ZNF618: variants seen among roughly 807,000 people sequenced by gnomAD.
The protein encoded by ZNF618 is zinc finger protein 618, also known as neural precursor cell expressed, developmentally down-regulated 10.
ZNF618 carries 34 observed loss-of-function variants against 103.0 expected under a neutral mutation model. The ratio of observed to expected loss-of-function variants is 0.33; its 90% CI spans 0.25 to 0.44. The LOEUF is 0.44. ZNF618 is among the 20% of genes least tolerant of loss of function. The pLI is 1.00. For missense variants in ZNF618, 1,059 were observed against 1,295.4 expected (o/e 0.82, Z 2.80); for synonymous variants, 551 against 542.2 (o/e 1.02, Z -0.23).
At chr9:113,925,971 T>A (rs754565980) in intron 1 of ZNF618, among the ~76,000 whole-genome samples, 35 of 152,198 alleles carry the variant, frequency 2.3e-4, no homozygotes, top group Non-Finnish European at 4.4e-4. Context: ...AACACTGTCC[T>A]TCTCTTTCTG....
intron 1 of ZNF618, among the ~76,000 whole-genome samples, chr9:113,965,278 A>T (rs1837290917): frequency 6.6e-6 from 1 of 152,156 alleles, no homozygotes; most frequent in Non-Finnish European, 1.5e-5. Flanking sequence ...CTTACAACTT[A>T]CATTTGCACA....
chr9:113,968,112 G>A (rs1431739726), intron 1 of ZNF618, among the ~76,000 whole-genome samples: 1 of 152,158 alleles, frequency 6.6e-6, no homozygotes, highest in Non-Finnish European at 1.5e-5. Context: ...AACTGATGAG[G>A]CAGCAGAACT....
intron 1 of ZNF618, among the ~76,000 whole-genome samples, chr9:113,938,148 G>A (rs1275868513): frequency 1.3e-5 from 2 of 148,684 alleles, no homozygotes; most frequent in Non-Finnish European, 3.0e-5. Context: ...ATGTTTTTAG[G>A]AAAGCTTCAG....
At chr9:113,918,801 C>T (rs182869351) in intron 1 of ZNF618, among the ~76,000 whole-genome samples, 4 of 152,180 alleles carry the variant, frequency 2.6e-5, no homozygotes, top group Admixed American at 1.3e-4. Context: ...ATCTTGCACC[C>T]CGGCCCTGGA....
intron 1 of ZNF618, among the ~76,000 whole-genome samples, chr9:113,948,824 C>G (rs992584970): frequency 6.6e-5 from 10 of 152,192 alleles, no homozygotes; most frequent in South Asian, 4.1e-4. Flanking sequence ...CAGTGCCCCC[C>G]ACCCCACAGA....
chr9:114,036,495 C>G (rs937339180), intron 13 of ZNF618, 118 bp downstream of exon 13: 7 of 1,084,804 alleles, frequency 6.5e-6, no homozygotes, highest in African/African-American at 6.3e-5. Flanking sequence ...AAAATGGTCA[C>G]AGGACATGGA....
chr9:114,029,036 G>T (rs1843767554), intron 11 of ZNF618, 64 bp downstream of exon 11: 1 of 1,508,240 alleles, frequency 6.6e-7, no homozygotes, highest in African/African-American at 1.4e-5. Context: ...ACCTGCCACA[G>T]CTGTGCCTGG....
At position 113,986,664 on chromosome 9, in the gene ZNF618, A is replaced by T. The variant is rs866642948; in HGVS notation, c.78-1657A>T. ...CATTTAACCACACTTAACCTCCCAAAGACCCTTTCTTCAGATCCAGTCACA... is the reference window on the plus strand; with the variant it reads ...CATTTAACCACACTTAACCTCCCAATGACCCTTTCTTCAGATCCAGTCACA... On this transcript the variant is annotated intron_variant, in intron 2 of 14. Coordinates refer to ENST00000374126, the MANE Select transcript of ZNF618 (RefSeq NM_001318042.2). Among the ~76,000 whole-genome samples the T allele has an allele frequency of 1.5e-4, 23 of 152,266 alleles. 3 individuals are homozygous for T. The Middle Eastern group carries it at 0.041, about 270-fold the overall frequency.
chr9:113,906,184 A>G (rs563029687), intron 1 of ZNF618, among the ~76,000 whole-genome samples: 5 of 152,158 alleles, frequency 3.3e-5, no homozygotes, highest in African/African-American at 7.2e-5. Flanking sequence ...GACTCTGTGC[A>G]TTTCAAAGAT....
intron 10 of ZNF618, among the ~76,000 whole-genome samples, chr9:114,020,789 T>G (rs1843008118): frequency 6.6e-6 from 1 of 152,112 alleles, no homozygotes; most frequent in Non-Finnish European, 1.5e-5. Flanking sequence ...TCTTTTTATT[T>G]TTTTTCTTCC....
intron 9 of ZNF618, among the ~76,000 whole-genome samples, chr9:114,011,325 G>A (rs17793015): frequency 0.23 from 34,921 of 152,198 alleles, 4,953 homozygotes; most frequent in Middle Eastern, 0.41. Context: ...AATTACCCAG[G>A]AAGATGCAGA....
intron 13 of ZNF618, among the ~76,000 whole-genome samples, chr9:114,042,255 T>A (rs879333818): frequency 6.6e-6 from 1 of 152,240 alleles, no homozygotes; most frequent in Non-Finnish European, 1.5e-5. Context: ...TCTTTACAGT[T>A]TATTTTAAAA....
At chr9:113,989,021 G>A (rs1259302185) in intron 3 of ZNF618, among the ~76,000 whole-genome samples, 3 of 152,166 alleles carry the variant, frequency 2.0e-5, no homozygotes, top group Non-Finnish European at 4.4e-5. Context: ...CACTTCCCCT[G>A]CCTCTTCTGG....
chr9:114,021,791 G>A (rs953664012), intron 10 of ZNF618, among the ~76,000 whole-genome samples: 6 of 151,928 alleles, frequency 3.9e-5, no homozygotes, highest in Non-Finnish European at 7.4e-5. Flanking sequence ...ATTAGTTTGC[G>A]TTTCCTAGAA....
At chr9:113,926,622 TTC>T (rs1395538848) in intron 1 of ZNF618, among the ~76,000 whole-genome samples, 2 of 152,244 alleles carry the variant, frequency 1.3e-5, no homozygotes, top group South Asian at 2.1e-4. Context: ...TTTCTTTTGA[TTC>T]TCTCTTAGTT....
intron 6 of ZNF618, among the ~76,000 whole-genome samples, chr9:114,006,518 A>C (rs915511464): frequency 3.9e-5 from 6 of 152,244 alleles, no homozygotes; most frequent in African/African-American, 9.6e-5. Flanking sequence ...GTCCAGCCTC[A>C]GCCTCAGATG....
chr9:113,959,391 G>T (rs965191065), intron 1 of ZNF618, among the ~76,000 whole-genome samples: 9 of 152,148 alleles, frequency 5.9e-5, no homozygotes, highest in African/African-American at 2.2e-4. Flanking sequence ...TTCTGATCCT[G>T]CCCAGCTGGG....
intron 3 of ZNF618, among the ~76,000 whole-genome samples, chr9:113,990,506 C>T (rs1244967382): frequency 6.6e-6 from 1 of 152,226 alleles, no homozygotes; most frequent in African/African-American, 2.4e-5. Context: ...CTTAGTAGCT[C>T]AAAACCACAG....
At chr9:114,004,407 A>T (rs940236352) in intron 6 of ZNF618, among the ~76,000 whole-genome samples, 1 of 152,100 alleles carries the variant, frequency 6.6e-6, no homozygotes, top group Non-Finnish European at 1.5e-5. Flanking sequence ...TCCGGCTCCC[A>T]TGGACTGGCT....
Sources: gnomAD v4.1 joint callset for allele counts (sites outside exome capture counted in the v4.1 genomes callset) on GRCh38, gnomAD v4.1.1 for gene constraint, MANE v1.5 for transcripts, NCBI Gene and HGNC (gene_info 2026-07-23, HGNC 2026-07-21) for gene names.